KCNK2: variants seen among roughly 807,000 people sequenced by gnomAD.
The protein encoded by KCNK2 is potassium channel subfamily K member 2.
A neutral mutation model predicts 40.5 loss-of-function variants in KCNK2; 21 were observed. The observed-to-expected ratio is 0.52, with a 90% confidence interval of 0.37 to 0.75. KCNK2 has a LOEUF of 0.75. Among genes scored for constraint, KCNK2 ranks in the 30% least tolerant of loss-of-function variants. KCNK2 has a pLI of 0.00. For missense variants in KCNK2, 399 were observed against 531.6 expected (o/e 0.75, Z 2.45); for synonymous variants, 191 against 202.2 (o/e 0.94, Z 0.47).
chr1:215,235,129 T>C lies in KCNK2; in HGVS notation c.1265T>C (p.Ile422Thr). 6.3e-7 allele frequency: 1 copy of C among 1,596,412 alleles called. No individual in the cohort carries two copies. Among genetic ancestry groups the C allele is most frequent in the Non-Finnish European group, 8.6e-7 (1 of 1,165,410 alleles). The part of the protein sequence containing the change: ...PHCAGEEIAV[I>T]ENIK ...TGTGCTGGTGAAGAGATTGCTGTGA[T>C]TGAGAACATCAAATAGCCCTCTCTT... Residue 422 changes from isoleucine to threonine, a missense_variant, in exon 7 of 7, where the codon ATT becomes ACT. Ile to Thr is a moderately conservative substitution (Grantham distance 89, BLOSUM62 -1). Around this residue, in one of 3 missense-constraint regions of KCNK2, gnomAD observed 103 missense variants for 124.3 expected, o/e 0.83. Coordinates refer to ENST00000444842, the MANE Select transcript of KCNK2 (RefSeq NM_001017425.3).
intron 5 of KCNK2, among the ~76,000 whole-genome samples, chr1:215,188,242 C>T (rs1664530101): frequency 6.6e-6 from 1 of 152,176 alleles, no homozygotes; most frequent in South Asian, 2.1e-4. Flanking sequence ...GTACCCTGTG[C>T]TCCCTCCTAT....
chr1:215,071,380 G>C (rs74143603), intron 1 of KCNK2, among the ~76,000 whole-genome samples: 3,556 of 152,260 alleles, frequency 0.023, 135 homozygotes, highest in African/African-American at 0.079. Flanking sequence ...GGAAAGGTCA[G>C]AAGTGCTTTC....
intron 3 of KCNK2, among the ~76,000 whole-genome samples, chr1:215,151,983 G>A (rs774587840): frequency 1.3e-5 from 2 of 152,082 alleles, no homozygotes; most frequent in Non-Finnish European, 2.9e-5. Flanking sequence ...GTAAGCATTT[G>A]ATTTATTCAT....
At chr1:215,029,067 C>T (rs1007064858) in intron 1 of KCNK2, among the ~76,000 whole-genome samples, 2 of 151,690 alleles carry the variant, frequency 1.3e-5, no homozygotes, top group African/African-American at 4.8e-5. Flanking sequence ...ACATGAAAAG[C>T]TTCCCGCAAT....
intron 2 of KCNK2, among the ~76,000 whole-genome samples, chr1:215,091,921 G>A (rs1250045126): frequency 6.6e-6 from 1 of 152,166 alleles, no homozygotes; most frequent in Admixed American, 6.5e-5. Context: ...AGAGGTAGAA[G>A]GTGATGTCAG....
At chr1:215,019,451 C>A (rs1656709527) in intron 1 of KCNK2, among the ~76,000 whole-genome samples, 1 of 152,212 alleles carries the variant, frequency 6.6e-6, no homozygotes, top group South Asian at 2.1e-4. Flanking sequence ...CCCAATATGA[C>A]AATGTCAGTT....
chr1:215,082,563 AG>A (rs1336454378), upstream of KCNK2, among the ~76,000 whole-genome samples: 3 of 152,042 alleles, frequency 2.0e-5, no homozygotes, highest in Admixed American at 2.0e-4. Flanking sequence ...AGGAGGCAGC[AG>A]GTGAGCCAAG....
chr1:215,040,356 A>G (rs993652197), intron 1 of KCNK2, among the ~76,000 whole-genome samples: 3 of 152,200 alleles, frequency 2.0e-5, no homozygotes, highest in Non-Finnish European at 4.4e-5. Context: ...AGGTTGCATA[A>G]CTTGCCCGAG....
At position 215,029,297 on chromosome 1, in the gene KCNK2, C is replaced by T. The variant is rs115395963; in HGVS notation, c.34+23342C>T. 8.0e-3 allele frequency among the ~76,000 whole-genome samples: 1,220 copies of T among 151,892 alleles called. 8 individuals carry two copies. The highest frequency in any genetic ancestry group is 0.012 in the Non-Finnish European group (789 of 67,950). ...CCTAATTCATCCCTCCCTCCCCGACCGCATGGTAACCTCTGATGTTTCTCC... is the reference window on the plus strand; with the variant it reads ...CCTAATTCATCCCTCCCTCCCCGACTGCATGGTAACCTCTGATGTTTCTCC... On this transcript the variant is annotated intron_variant, in intron 1 of 6. Coordinates refer to the KCNK2 transcript ENST00000391895.
At chr1:215,168,821 A>G (rs896442647) in intron 3 of KCNK2, among the ~76,000 whole-genome samples, 4 of 152,138 alleles carry the variant, frequency 2.6e-5, no homozygotes, top group Admixed American at 1.3e-4. Flanking sequence ...ATACCTAGGT[A>G]ACAAACCTAC....
chr1:215,148,568 A>G (rs1662542490), intron 3 of KCNK2, among the ~76,000 whole-genome samples: 1 of 152,138 alleles, frequency 6.6e-6, no homozygotes, highest in Admixed American at 6.6e-5. Context: ...AATTCAGCAT[A>G]TTTTCTTGCA....
At chr1:215,232,213 G>T (rs1425309288) in intron 6 of KCNK2, among the ~76,000 whole-genome samples, 2 of 152,178 alleles carry the variant, frequency 1.3e-5, no homozygotes, top group African/African-American at 2.4e-5. Context: ...ATAGGGGAAT[G>T]ATTAAATCAT....
intron 4 of KCNK2, among the ~76,000 whole-genome samples, chr1:215,170,708 ATTCT>A (rs1226863012): frequency 1.3e-5 from 2 of 152,074 alleles, no homozygotes; most frequent in Non-Finnish European, 2.9e-5. Context: ...TTGGAGTTTT[ATTCT>A]TTTTTTGTAT....
chr1:215,022,962 C>A (rs1024309307), intron 1 of KCNK2, among the ~76,000 whole-genome samples: 1 of 152,140 alleles, frequency 6.6e-6, no homozygotes, highest in African/African-American at 2.4e-5. Flanking sequence ...GGGTTAGAAT[C>A]ACATGGGTAA....
intron 6 of KCNK2, among the ~76,000 whole-genome samples, chr1:215,204,000 T>A (rs1665194493): frequency 8.6e-6 from 1 of 116,306 alleles, no homozygotes; most frequent in South Asian, 3.0e-4. Context: ...ATCGCGCCAC[T>A]GCACTCCAGC....
intron 6 of KCNK2, among the ~76,000 whole-genome samples, chr1:215,234,265 T>C (rs1301604568): frequency 6.6e-6 from 1 of 152,210 alleles, no homozygotes; most frequent in African/African-American, 2.4e-5. Context: ...AATTCCTAAA[T>C]GACCAGTATG....
At chr1:215,099,809 C>A (rs1660134122) in intron 2 of KCNK2, among the ~76,000 whole-genome samples, 1 of 151,864 alleles carries the variant, frequency 6.6e-6, no homozygotes, top group South Asian at 2.1e-4. Flanking sequence ...TGTATCTGTT[C>A]TTATTATTTA....
chr1:215,056,499 CAAAAAAA>C (rs376076606), intron 1 of KCNK2, among the ~76,000 whole-genome samples: 1 of 55,176 alleles, frequency 1.8e-5, no homozygotes, highest in Admixed American at 2.6e-4. Flanking sequence ...GACTCAGTCT[CAAAAAAA>C]AAAAAAAAAA....
chr1:215,083,200 C>CCA lies in KCNK2; in HGVS notation c.-185_-184insAC. ...ATTTCGTTTCTTCTCACGCTCCCCC[C>CCA]CCCGCCCCCTCCCGCGTCCAGCCCC... On this transcript the variant is annotated 5_prime_UTR_variant, in exon 1 of 7. Coordinates refer to ENST00000444842, the MANE Select transcript of KCNK2 (RefSeq NM_001017425.3). The CCA allele has an allele frequency of 4.0e-6, 3 of 748,252 alleles. No homozygotes were observed. The highest frequency in any genetic ancestry group is 6.4e-6 in the Non-Finnish European group (3 of 471,074). The allele number at this position is 748,252 out of a possible 1,614,324, so 46.4% of individuals were successfully genotyped here.
Sources: gnomAD v4.1 joint callset for allele counts (sites outside exome capture counted in the v4.1 genomes callset) on GRCh38, gnomAD v4.1.1 for gene constraint, gnomAD v4.1.1 regional missense constraint, MANE v1.5 for transcripts, NCBI Gene and HGNC (gene_info 2026-07-23, HGNC 2026-07-21) for gene names.